LMBR1: variants seen among roughly 807,000 people sequenced by gnomAD.
LMBR1 encodes the protein limb region 1 protein homolog.
A neutral mutation model predicts 73.9 loss-of-function variants in LMBR1; 52 were observed. That is an observed-to-expected ratio of 0.70 (90% CI 0.56 to 0.89). The LOEUF (loss-of-function observed/expected upper bound fraction) is 0.89, where lower values mean the gene tolerates loss of function less well. LMBR1 is among the 40% of genes least tolerant of loss of function. The pLI is 0.00. For synonymous variants in LMBR1, 215 were observed against 209.4 expected (o/e 1.03, Z -0.23); for missense variants, 539 against 579.8 (o/e 0.93, Z 0.72).
At chr7:156,885,707 C>A (rs1156525515) in intron 1 of LMBR1, among the ~76,000 whole-genome samples, 1 of 151,734 alleles carries the variant, frequency 6.6e-6, no homozygotes, top group East Asian at 2.0e-4. Context: ...TAAAACCCTG[C>A]CTCTACTAAA....
chr7:156,709,358 G>A (rs1322743473), intron 15 of LMBR1, among the ~76,000 whole-genome samples: 1 of 152,178 alleles, frequency 6.6e-6, no homozygotes, highest in Non-Finnish European at 1.5e-5. Context: ...GAGGTCCTGA[G>A]TCTGTCCACA....
At chr7:156,764,038 G>A (rs1368332730) in intron 5 of LMBR1, among the ~76,000 whole-genome samples, 2 of 152,158 alleles carry the variant, frequency 1.3e-5, no homozygotes, top group Non-Finnish European at 2.9e-5. Flanking sequence ...CATCTGCAGA[G>A]CCATTTTTAA....
rs1563615016 is a variant in LMBR1 at position 156,881,111 on chromosome 7, AT to A, written c.66+11816del. On this transcript the variant is annotated intron_variant, in intron 1 of 16. Transcript: ENST00000353442. ...AATATATTATTACACAAAGCTAGTT[AT>A]CAAAATAGTATAGTACTGACATAAA... Among the ~76,000 whole-genome samples the A allele has an allele frequency of 9.2e-5, 14 of 152,364 alleles. No homozygotes were observed. The South Asian group carries it at 2.9e-3, about 32-fold the overall frequency.
In LMBR1 at chr7:156,838,655, T is replaced by C. The variant is rs573015397; in HGVS notation, c.67-1770A>G. 3.0e-4 allele frequency among the ~76,000 whole-genome samples: 46 copies of C among 152,338 alleles called. 1 individual carries two copies. The South Asian group carries it at 6.4e-3, about 21-fold the overall frequency. On this transcript the variant is annotated intron_variant, in intron 1 of 16. Transcript: ENST00000353442. ...TAGGTTGATTCAACAACTTCACTAT[T>C]GTGAACAGTGCTGTCATGAACATGG...
intron 7 of LMBR1, 106 bp downstream of exon 7, chr7:156,763,000 CAA>C: frequency 1.6e-6 from 1 of 618,288 alleles, no homozygotes; most frequent in South Asian, 1.9e-5. Flanking sequence ...AAGGCGAACT[CAA>C]AAAAAATCCA....
intron 9 of LMBR1, among the ~76,000 whole-genome samples, chr7:156,752,950 T>A (rs888639968): frequency 7.9e-6 from 1 of 126,460 alleles, no homozygotes; most frequent in African/African-American, 3.1e-5. Flanking sequence ...TGCAAGGAAG[T>A]AGGGGGATGG....
intron 15 of LMBR1, among the ~76,000 whole-genome samples, chr7:156,688,567 C>G (rs922103120): frequency 6.6e-6 from 1 of 151,920 alleles, no homozygotes; most frequent in African/African-American, 2.4e-5. Flanking sequence ...TCACAGGAAG[C>G]AAGAGTCACG....
intron 3 of LMBR1, among the ~76,000 whole-genome samples, chr7:156,829,978 A>T (rs1836384530): frequency 6.6e-6 from 1 of 152,098 alleles, no homozygotes; most frequent in South Asian, 2.1e-4. Flanking sequence ...TTACTTCTTT[A>T]TCCTCAACTT....
chr7:156,888,917 G>A (rs568212439), intron 1 of LMBR1, among the ~76,000 whole-genome samples: 14 of 152,132 alleles, frequency 9.2e-5, no homozygotes, highest in East Asian at 1.9e-4. Flanking sequence ...AGCCAAGTGC[G>A]GTGGCGCATG....
At chr7:156,790,804 ACT>A (rs1829086178) in intron 5 of LMBR1, among the ~76,000 whole-genome samples, 1 of 150,904 alleles carries the variant, frequency 6.6e-6, no homozygotes, top group African/African-American at 2.5e-5. Flanking sequence ...AAATGTATTT[ACT>A]CTTTTCCTCA....
intron 5 of LMBR1, among the ~76,000 whole-genome samples, chr7:156,767,899 AT>A: frequency 6.6e-6 from 1 of 152,162 alleles, no homozygotes; most frequent in Non-Finnish European, 1.5e-5. Flanking sequence ...TTATTGTTTA[AT>A]TTTTTAAAAA....
chr7:156,755,017 A>G (rs749502619), intron 9 of LMBR1, among the ~76,000 whole-genome samples: 6 of 152,252 alleles, frequency 3.9e-5, no homozygotes, highest in Non-Finnish European at 7.3e-5. Context: ...ACAATCTACC[A>G]AACGGATGAT....
At chr7:156,817,372 C>T (rs1372165321) in intron 4 of LMBR1, among the ~76,000 whole-genome samples, 1 of 152,048 alleles carries the variant, frequency 6.6e-6, no homozygotes, top group Admixed American at 6.5e-5. Context: ...AAGCAATTTA[C>T]ACAATTTTTA....
intron 5 of LMBR1, among the ~76,000 whole-genome samples, chr7:156,794,070 A>C (rs369342376): frequency 6.6e-6 from 1 of 152,210 alleles, no homozygotes; most frequent in East Asian, 1.9e-4. Context: ...CACCTATTAC[A>C]ACTTCCCAAG....
At chr7:156,868,549 C>T (rs1798803829) in intron 1 of LMBR1, among the ~76,000 whole-genome samples, 1 of 151,824 alleles carries the variant, frequency 6.6e-6, no homozygotes, top group Non-Finnish European at 1.5e-5. Flanking sequence ...TGGCATGCAC[C>T]TATAATCTAA....
chr7:156,709,997 C>T (rs1005070088), intron 15 of LMBR1, among the ~76,000 whole-genome samples: 8 of 150,428 alleles, frequency 5.3e-5, no homozygotes, highest in South Asian at 4.2e-4. Flanking sequence ...CTCCACCTCC[C>T]GGGTTCACGC....
At chr7:156,795,128 C>T (rs1169736186) in intron 5 of LMBR1, among the ~76,000 whole-genome samples, 1 of 152,038 alleles carries the variant, frequency 6.6e-6, no homozygotes, top group Non-Finnish European at 1.5e-5. Context: ...GAGCTCTAGG[C>T]CTTTGCTCAA....
intron 5 of LMBR1, among the ~76,000 whole-genome samples, chr7:156,784,213 C>T (rs1183210202): frequency 1.3e-5 from 2 of 152,110 alleles, no homozygotes; most frequent in Non-Finnish European, 2.9e-5. Flanking sequence ...GAGTAATACA[C>T]CGAGTTTGGG....
At chr7:156,800,713 G>C (rs1251000797) in intron 4 of LMBR1, among the ~76,000 whole-genome samples, 1 of 152,140 alleles carries the variant, frequency 6.6e-6, no homozygotes, top group African/African-American at 2.4e-5. Flanking sequence ...CTGATGGATT[G>C]TGCAAAGTAA....
Sources: gnomAD v4.1 joint callset for allele counts (sites outside exome capture counted in the v4.1 genomes callset) on GRCh38, gnomAD v4.1.1 for gene constraint, MANE v1.5 for transcripts, NCBI Gene and HGNC (gene_info 2026-07-23, HGNC 2026-07-21) for gene names.